The following ARID1B variants were observed in gnomAD, a reference collection of about 807,000 sequenced individuals.
The protein encoded by ARID1B is AT-rich interactive domain-containing protein 1B.
ARID1B carries 30 observed loss-of-function variants against 212.3 expected under a neutral mutation model. The observed-to-expected ratio is 0.14, with a 90% CI of 0.11 to 0.19. The LOEUF (loss-of-function observed/expected upper bound fraction) is 0.19, where lower values mean the gene tolerates loss of function less well. Ranked by LOEUF, ARID1B falls within the 10% of genes least tolerant of loss-of-function variation. ARID1B has a pLI of 1.00. For synonymous variants in ARID1B, 1,402 were observed against 1,301.7 expected, an observed-to-expected ratio of 1.08 and a Z score of -1.66; for missense variants, 2,891 against 3,204.0, an observed-to-expected ratio of 0.90 and a Z score of 2.36.
intron 5 of ARID1B, 125 bp downstream of exon 5, chr6:157,085,030 A>T (rs898347194): frequency 8.0e-7 from 1 of 1,245,620 alleles, no homozygotes; most frequent in Non-Finnish European, 1.1e-6. Flanking sequence ...GTATAACTGA[A>T]TTCTCACCAA....
intron 9 of ARID1B, among the ~76,000 whole-genome samples, chr6:157,170,623 G>A (rs1341930164): frequency 6.6e-6 from 1 of 152,230 alleles, no homozygotes; most frequent in East Asian, 1.9e-4. Flanking sequence ...AGACTCTGTA[G>A]GTGGCTGGGG....
intron 4 of ARID1B, among the ~76,000 whole-genome samples, chr6:156,990,545 G>A (rs996795276): frequency 6.6e-6 from 1 of 152,108 alleles, no homozygotes; most frequent in Non-Finnish European, 1.5e-5. Context: ...GGAGGCTGAG[G>A]CAGGAGAATC....
chr6:156,807,335 C>T (rs1319053732), intron 1 of ARID1B, among the ~76,000 whole-genome samples: 1 of 151,928 alleles, frequency 6.6e-6, no homozygotes, highest in Non-Finnish European at 1.5e-5. Flanking sequence ...GCTCAGGGTT[C>T]TCTGTTGTGT....
chr6:157,205,972 T>C, intron 19 of ARID1B, 195 bp from the exon 20 acceptor site: 1 of 655,204 alleles, frequency 1.5e-6, no homozygotes, highest in Non-Finnish European at 2.7e-6. Context: ...CGGTTTAGTT[T>C]ATACTGTAAA....
At chr6:156,862,110 C>T (rs564717931) in intron 2 of ARID1B, among the ~76,000 whole-genome samples, 1 of 152,312 alleles carries the variant, frequency 6.6e-6, no homozygotes, top group East Asian at 1.9e-4. Flanking sequence ...CTTGAGGAAA[C>T]AGAAATGTTC....
intron 4 of ARID1B, among the ~76,000 whole-genome samples, chr6:156,990,563 C>A (rs980961233): frequency 6.6e-6 from 1 of 152,040 alleles, no homozygotes; most frequent in African/African-American, 2.4e-5. Context: ...ATCACTTGAC[C>A]GAGGGAGTTG....
intron 2 of ARID1B, among the ~76,000 whole-genome samples, chr6:156,892,451 G>A (rs939600474): frequency 8.5e-5 from 13 of 152,166 alleles, no homozygotes; most frequent in Admixed American, 6.5e-4. Context: ...AAGCATAAAT[G>A]TGTTAAAATG....
intron 4 of ARID1B, among the ~76,000 whole-genome samples, chr6:156,975,874 G>A (rs12202980): frequency 0.27 from 40,275 of 151,904 alleles, 5,801 homozygotes; most frequent in Non-Finnish European, 0.32. Flanking sequence ...GTGCAGGCGG[G>A]CTGAGTCCGA....
At chr6:157,061,279 T>A (rs1411316416) in intron 4 of ARID1B, among the ~76,000 whole-genome samples, 1 of 152,252 alleles carries the variant, frequency 6.6e-6, no homozygotes, top group Non-Finnish European at 1.5e-5. Flanking sequence ...GCAATTATAA[T>A]AGTAAAATTT....
At chr6:157,147,981 C>T (rs1363880236) in intron 7 of ARID1B, among the ~76,000 whole-genome samples, 1 of 134,064 alleles carries the variant, frequency 7.5e-6, no homozygotes, top group African/African-American at 2.9e-5. Context: ...CGTGCTTGTG[C>T]TGGGACAGTT....
chr6:156,997,180 A>G (rs1190522490), intron 4 of ARID1B, among the ~76,000 whole-genome samples: 2 of 152,236 alleles, frequency 1.3e-5, no homozygotes, highest in Non-Finnish European at 2.9e-5. Context: ...GTGATTTACC[A>G]TGCATGTTAC....
At chr6:157,097,240 A>T (rs74814236) in intron 5 of ARID1B, among the ~76,000 whole-genome samples, 1 of 152,216 alleles carries the variant, frequency 6.6e-6, no homozygotes, top group East Asian at 1.9e-4. Context: ...ACTTAATTCT[A>T]TATCTAAATG....
At chr6:156,807,639 G>A (rs1443487921) in intron 1 of ARID1B, among the ~76,000 whole-genome samples, 3 of 145,528 alleles carry the variant, frequency 2.1e-5, no homozygotes, top group Non-Finnish European at 4.6e-5. Flanking sequence ...TACTGCATGT[G>A]AACATAGACA....
intron 16 of ARID1B, among the ~76,000 whole-genome samples, chr6:157,197,071 T>C (rs1186700579): frequency 1.3e-5 from 2 of 152,182 alleles, no homozygotes; most frequent in Non-Finnish European, 1.5e-5. Context: ...AGGCTTCTTT[T>C]TGTGAAGAAA....
intron 4 of ARID1B, among the ~76,000 whole-genome samples, chr6:157,060,656 T>TTTTTTA (rs398003170): frequency 7.3e-6 from 1 of 136,632 alleles, no homozygotes; most frequent in African/African-American, 2.7e-5. Context: ...TTTTTTTTTT[T>TTTTTTA]ACTATTCTTT....
chr6:157,207,375 T>G lies in ARID1B; in HGVS notation c.6603T>G (p.Pro2201=). 1 of 1,614,168 alleles carries G rather than the reference T, an allele frequency of 6.2e-7. No individual in the cohort carries two copies. Among genetic ancestry groups the G allele is most frequent in the Non-Finnish European group, 8.5e-7 (1 of 1,180,036 alleles). The change falls in exon 20 of 20, where the codon CCT becomes CCG. Residue 2201 remains proline (P), a synonymous_variant. Transcript: ENST00000636930. The surrounding 1 kb of genome is among the most constrained non-coding windows in gnomAD (Gnocchi z 8.5). ...TGGGACCCAACTCGGTCCTGTCGCCTCAGAGACTTGTGCTGGAGACCCTCT... is the reference window on the plus strand; with the variant it reads ...TGGGACCCAACTCGGTCCTGTCGCCGCAGAGACTTGTGCTGGAGACCCTCT... ...PTVGPNSVLS[P]QRLVLETLCK...
rs370261159 is a variant in ARID1B at position 157,117,434 on chromosome 6, C to T, written c.2581+6873C>T. ...CTGAGTAGAATTCCTTATCAGATTT[C>T]GAGTCACATTCTATTTGCATAGTGC... is the stretch of plus-strand genomic sequence containing the variant. On this transcript the variant is annotated intron_variant, in intron 6 of 19. Coordinates refer to ENST00000636930, the MANE Select transcript of ARID1B (RefSeq NM_001374828.1). Among the ~76,000 whole-genome samples, 92 of 152,312 alleles carry T rather than the reference C, an allele frequency of 6.0e-4. 3 individuals are homozygous for T. The South Asian group carries it at 0.017, about 28-fold the overall frequency.
chr6:156,968,772 A>G (rs935738036), intron 4 of ARID1B, among the ~76,000 whole-genome samples: 35 of 152,208 alleles, frequency 2.3e-4, no homozygotes, highest in Admixed American at 6.5e-5. Flanking sequence ...GTTTTGCTGG[A>G]AATGGGAGTC....
At chr6:156,945,222 C>G (rs527434251) in intron 4 of ARID1B, among the ~76,000 whole-genome samples, 2 of 137,266 alleles carry the variant, frequency 1.5e-5, no homozygotes, top group East Asian at 4.1e-4. Flanking sequence ...GGTGTGAGCC[C>G]CCGCATCCGG....
Sources: allele counts gnomAD v4.1 joint callset (sites outside exome capture counted in the v4.1 genomes callset), GRCh38; gene constraint gnomAD v4.1.1; non-coding constraint Gnocchi (gnomAD v3.1); transcripts MANE v1.5; gene names NCBI Gene and HGNC (gene_info 2026-07-23, HGNC 2026-07-21).